TMEM132D: variants seen among roughly 807,000 people sequenced by gnomAD.
The protein encoded by TMEM132D is mature OL transmembrane protein.
A neutral mutation model predicts 62.3 loss-of-function variants in TMEM132D; 21 were observed. The observed-to-expected ratio is 0.34, with a 90% confidence interval of 0.24 to 0.49. The LOEUF (loss-of-function observed/expected upper bound fraction) is 0.49. Among genes scored for constraint, TMEM132D ranks in the 20% least tolerant of loss-of-function variants. TMEM132D has a pLI of 0.99. For synonymous variants in TMEM132D, 621 were observed against 575.6 expected (o/e 1.08, Z -1.13); for missense variants, 1,346 against 1,402.8 (o/e 0.96, Z 0.65).
At chr12:129,618,463 T>G (rs914874864) in intron 2 of TMEM132D, among the ~76,000 whole-genome samples, 1 of 152,200 alleles carries the variant, frequency 6.6e-6, no homozygotes, top group South Asian at 2.1e-4. Flanking sequence ...TAGTCAATGT[T>G]CCATCCCATG....
At chr12:129,381,280 C>T (rs1870942967) in intron 3 of TMEM132D, among the ~76,000 whole-genome samples, 1 of 152,052 alleles carries the variant, frequency 6.6e-6, no homozygotes, top group East Asian at 1.9e-4. Flanking sequence ...GCTCTTATAG[C>T]TATACAAATA....
At chr12:129,545,021 G>C (rs892267425) in intron 2 of TMEM132D, among the ~76,000 whole-genome samples, 6 of 152,204 alleles carry the variant, frequency 3.9e-5, no homozygotes, top group African/African-American at 1.4e-4. Context: ...AACAGCCTTG[G>C]CTCAATGCAT....
chr12:129,710,968 G>A (rs1003059131), intron 1 of TMEM132D, among the ~76,000 whole-genome samples: 1 of 151,788 alleles, frequency 6.6e-6, no homozygotes, highest in African/African-American at 2.4e-5. Flanking sequence ...CGGTGTGCAC[G>A]CTGCCTCTCC....
intron 3 of TMEM132D, among the ~76,000 whole-genome samples, chr12:129,380,226 T>C (rs944939751): frequency 2.6e-5 from 4 of 152,164 alleles, no homozygotes; most frequent in Non-Finnish European, 4.4e-5. Flanking sequence ...TACAAATGCA[T>C]ACTAAACTGC....
At chr12:129,334,540 C>A (rs1461745716) in intron 4 of TMEM132D, among the ~76,000 whole-genome samples, 1 of 152,220 alleles carries the variant, frequency 6.6e-6, no homozygotes, top group African/African-American at 2.4e-5. Flanking sequence ...AGACAGCAGT[C>A]TGGCTCTCCA....
chr12:129,247,643 G>A (rs1271500073), intron 4 of TMEM132D, among the ~76,000 whole-genome samples: 1 of 152,244 alleles, frequency 6.6e-6, no homozygotes, highest in Non-Finnish European at 1.5e-5. Flanking sequence ...GAGAGACACA[G>A]TGTTCTTCAG....
At chr12:129,088,791 C>T (rs1387891977) in intron 5 of TMEM132D, among the ~76,000 whole-genome samples, 2 of 53,422 alleles carry the variant, frequency 3.7e-5, no homozygotes, top group South Asian at 7.9e-4. Context: ...GGGTGTCCTC[C>T]ATGACCGGGT....
chr12:129,516,814 A>C (rs1875696759), intron 3 of TMEM132D, among the ~76,000 whole-genome samples: 1 of 152,224 alleles, frequency 6.6e-6, no homozygotes, highest in Non-Finnish European at 1.5e-5. Context: ...TGGAGATCAG[A>C]AGCCTGAAAT....
chr12:129,233,001 A>G (rs1244672671), intron 4 of TMEM132D, among the ~76,000 whole-genome samples: 1 of 152,184 alleles, frequency 6.6e-6, no homozygotes, highest in African/African-American at 2.4e-5. Context: ...ATTGGAGATG[A>G]GGTTTGGGTG....
At chr12:129,195,251 G>A (rs933134066) in intron 5 of TMEM132D, among the ~76,000 whole-genome samples, 1 of 152,084 alleles carries the variant, frequency 6.6e-6, no homozygotes, top group Admixed American at 6.5e-5. Flanking sequence ...CTCCAGGCAG[G>A]CACAGGCCTG....
In TMEM132D at chr12:129,503,636, A is replaced by G. The variant is rs542353418; in HGVS notation, c.1115+27423T>C. 2.2e-4 allele frequency among the ~76,000 whole-genome samples: 33 copies of G among 152,268 alleles called. No individual in the cohort carries two copies. In the South Asian group the frequency reaches 6.2e-3, roughly 29 times the overall value. ...ATAATTTAGTCCCCACAGGTCATTCATCCTGTGAATAATATCCATAATAAT... is the reference window on the plus strand; with the variant it reads ...ATAATTTAGTCCCCACAGGTCATTCGTCCTGTGAATAATATCCATAATAAT... On this transcript the variant is annotated intron_variant, in intron 3 of 8. Coordinates refer to ENST00000422113, the MANE Select transcript of TMEM132D (RefSeq NM_133448.3).
chr12:129,611,557 T>C (rs1483715700), intron 2 of TMEM132D, among the ~76,000 whole-genome samples: 1 of 152,166 alleles, frequency 6.6e-6, no homozygotes, highest in African/African-American at 2.4e-5. Context: ...CTTTTTCACT[T>C]AGAAGTCCAA....
intron 1 of TMEM132D, among the ~76,000 whole-genome samples, chr12:129,849,567 C>G (rs976139336): frequency 2.0e-5 from 3 of 152,136 alleles, no homozygotes; most frequent in African/African-American, 7.2e-5. Context: ...AATTACAATA[C>G]CATTGACACT....
intron 3 of TMEM132D, among the ~76,000 whole-genome samples, chr12:129,473,591 A>T (rs1593027252): frequency 6.6e-6 from 1 of 152,146 alleles, no homozygotes; most frequent in African/African-American, 2.4e-5. Flanking sequence ...TCGGCCTCCC[A>T]AAATTCTGGG....
intron 1 of TMEM132D, among the ~76,000 whole-genome samples, chr12:129,751,375 G>A (rs1223438277): frequency 6.6e-6 from 1 of 152,182 alleles, no homozygotes; most frequent in Non-Finnish European, 1.5e-5. Flanking sequence ...AGAACAGCAA[G>A]GGGTAAATCC....
rs116794048 is a variant in TMEM132D, at chr12:129,277,994, C to A, written c.1299+59640G>T. The stretch of plus-strand genomic sequence containing the variant: ...GAAACTCCAAGCTTGAATGAGAGAT[C>A]GGGGAGCCCAGAACCAAGCCAGGAA... On this transcript the variant is annotated intron_variant, in intron 4 of 8. Coordinates refer to ENST00000422113, the MANE Select transcript of TMEM132D (RefSeq NM_133448.3). This position sits in a 1 kb window ranked among gnomAD's most constrained non-coding sequence, Gnocchi z 4.2. Among the ~76,000 whole-genome samples, 378 of 152,192 alleles carry A rather than the reference C, an allele frequency of 2.5e-3. 1 individual carries two copies. The highest frequency in any genetic ancestry group is 8.7e-3 in the African/African-American group (362 of 41,514).
intron 2 of TMEM132D, 137 bp downstream of exon 2, chr12:129,699,673 T>C: frequency 9.6e-7 from 1 of 1,043,828 alleles, no homozygotes; most frequent in Non-Finnish European, 1.4e-6. Flanking sequence ...TATTCCACGG[T>C]GCAGATGGAG....
chr12:129,532,871 T>A (rs1314263411), intron 2 of TMEM132D, among the ~76,000 whole-genome samples: 1 of 152,212 alleles, frequency 6.6e-6, no homozygotes, highest in Non-Finnish European at 1.5e-5. Context: ...ACATCCTGCG[T>A]GACTCCACGG....
intron 3 of TMEM132D, among the ~76,000 whole-genome samples, chr12:129,432,500 G>A (rs1222492525): frequency 4.6e-5 from 7 of 152,224 alleles, no homozygotes; most frequent in Non-Finnish European, 1.0e-4. Context: ...TGCCAAATAC[G>A]GGTGTATAAG....
Sources: allele counts gnomAD v4.1 joint callset (sites outside exome capture counted in the v4.1 genomes callset), GRCh38; gene constraint gnomAD v4.1.1; non-coding constraint Gnocchi (gnomAD v3.1); transcripts MANE v1.5; gene names NCBI Gene and HGNC (gene_info 2026-07-23, HGNC 2026-07-21).